The following PRKG1 variants were observed in gnomAD, a reference collection of about 807,000 sequenced individuals.
PRKG1 encodes the protein protein kinase cGMP-dependent 1.
PRKG1 carries 35 observed loss-of-function variants against 88.1 expected under a neutral mutation model. The observed-to-expected ratio is 0.40, with a 90% CI of 0.30 to 0.53. The LOEUF (loss-of-function observed/expected upper bound fraction) is 0.53, where lower values mean the gene tolerates loss of function less well. Ranked by LOEUF, PRKG1 falls within the 20% of genes least tolerant of loss-of-function variation. The pLI is 0.59. For missense variants in PRKG1, 540 were observed against 839.8 expected, an observed-to-expected ratio of 0.64 and a Z score of 4.41; for synonymous variants, 303 against 292.5, an observed-to-expected ratio of 1.04 and a Z score of -0.37.
intron 4 of PRKG1, among the ~76,000 whole-genome samples, chr10:51,877,176 A>G (rs1449573733): frequency 2.0e-5 from 3 of 151,952 alleles, no homozygotes; most frequent in Non-Finnish European, 4.4e-5. Flanking sequence ...AGCTCAAGCA[A>G]TCCTCCTGTG....
chr10:51,223,226 T>G (rs190943593), intron 2 of PRKG1, among the ~76,000 whole-genome samples: 1 of 152,202 alleles, frequency 6.6e-6, no homozygotes, highest in African/African-American at 2.4e-5. Flanking sequence ...TAAATTCTGA[T>G]TGTGGATTGT....
At chr10:51,182,206 G>A (rs1353516231) in intron 2 of PRKG1, among the ~76,000 whole-genome samples, 1 of 152,148 alleles carries the variant, frequency 6.6e-6, no homozygotes, top group African/African-American at 2.4e-5. Flanking sequence ...TTATGTTTTT[G>A]TGTGTGGTGT....
At chr10:52,259,936 T>C (rs1157083039) in intron 10 of PRKG1, among the ~76,000 whole-genome samples, 1 of 152,112 alleles carries the variant, frequency 6.6e-6, no homozygotes, top group Non-Finnish European at 1.5e-5. Context: ...ACAAGATAAA[T>C]GTGAAATACA....
At chr10:51,969,254 C>A (rs1000313984) in intron 5 of PRKG1, among the ~76,000 whole-genome samples, 1 of 152,146 alleles carries the variant, frequency 6.6e-6, no homozygotes, top group African/African-American at 2.4e-5. Flanking sequence ...TTTCTGGCAT[C>A]TCTTGTCAAT....
chr10:52,196,213 T>C (rs1472086902), intron 9 of PRKG1, among the ~76,000 whole-genome samples: 1 of 152,076 alleles, frequency 6.6e-6, no homozygotes, highest in Non-Finnish European at 1.5e-5. Context: ...AGACGGGGTT[T>C]CACCATGTTA....
intron 2 of PRKG1, among the ~76,000 whole-genome samples, chr10:51,355,517 C>T (rs1293221826): frequency 1.3e-5 from 2 of 152,056 alleles, no homozygotes; most frequent in South Asian, 2.1e-4. Context: ...AAACATTAAC[C>T]AGAGAAAAGC....
intron 2 of PRKG1, among the ~76,000 whole-genome samples, chr10:51,155,531 G>T (rs1017104223): frequency 3.3e-5 from 5 of 151,942 alleles, no homozygotes; most frequent in African/African-American, 1.2e-4. Flanking sequence ...TTATACCCAG[G>T]CTATTTGGAT....
intron 1 of PRKG1, among the ~76,000 whole-genome samples, chr10:51,129,029 G>A (rs991344615): frequency 1.3e-5 from 2 of 152,030 alleles, no homozygotes; most frequent in African/African-American, 2.4e-5. Flanking sequence ...TCTGGAATAC[G>A]GTCTCTGTAA....
chr10:52,103,931 A>G (rs1021365822), intron 7 of PRKG1, among the ~76,000 whole-genome samples: 2 of 150,748 alleles, frequency 1.3e-5, no homozygotes, highest in South Asian at 2.1e-4. Context: ...AAACAATGAA[A>G]TTAAAATCAG....
chr10:51,968,704 T>C (rs1208324600), intron 5 of PRKG1, among the ~76,000 whole-genome samples: 14 of 150,958 alleles, frequency 9.3e-5, no homozygotes, highest in Non-Finnish European at 4.4e-5. Flanking sequence ...GTGCTTATAA[T>C]CCCAGCTACT....
chr10:51,493,631 G>C (rs934476279), intron 3 of PRKG1, among the ~76,000 whole-genome samples: 4 of 152,104 alleles, frequency 2.6e-5, no homozygotes, highest in African/African-American at 9.7e-5. Context: ...GCAATTGTAG[G>C]AAATGCAATG....
intron 2 of PRKG1, among the ~76,000 whole-genome samples, chr10:51,186,368 T>C (rs1189049688): frequency 6.6e-6 from 1 of 152,010 alleles, no homozygotes; most frequent in Non-Finnish European, 1.5e-5. Flanking sequence ...CATTCCATTT[T>C]TATTTAACTT....
chr10:51,581,571 G>T (rs1483850482), intron 3 of PRKG1, among the ~76,000 whole-genome samples: 6 of 152,088 alleles, frequency 3.9e-5, no homozygotes. Flanking sequence ...GAATCTTGGT[G>T]ATGTGAAACC....
intron 3 of PRKG1, among the ~76,000 whole-genome samples, chr10:51,604,413 G>T (rs2132232010): frequency 6.6e-6 from 1 of 152,186 alleles, no homozygotes; most frequent in East Asian, 1.9e-4. Flanking sequence ...TTCATCCCAT[G>T]TATTACAATA....
intron 2 of PRKG1, among the ~76,000 whole-genome samples, chr10:51,396,054 A>T (rs1056307494): frequency 3.9e-5 from 6 of 152,196 alleles, no homozygotes; most frequent in African/African-American, 4.8e-5. Context: ...TACACTGTAA[A>T]AATAAAGGTA....
At chr10:52,228,073 A>G (rs1218983662) in intron 9 of PRKG1, among the ~76,000 whole-genome samples, 1 of 152,154 alleles carries the variant, frequency 6.6e-6, no homozygotes, top group Non-Finnish European at 1.5e-5. Context: ...ACGATTTGGA[A>G]TTTTTAAAAG....
At chr10:52,149,502 G>A (rs1837841114) in intron 8 of PRKG1, among the ~76,000 whole-genome samples, 1 of 152,060 alleles carries the variant, frequency 6.6e-6, no homozygotes, top group African/African-American at 2.4e-5. Context: ...GTTAAATGAG[G>A]TCATAAGGGT....
chr10:51,944,403 C>A (rs1254703069), intron 5 of PRKG1, among the ~76,000 whole-genome samples: 1 of 151,980 alleles, frequency 6.6e-6, no homozygotes, highest in Admixed American at 6.5e-5. Context: ...TTCAAAAAAC[C>A]AGCTCCTGGA....
intron 7 of PRKG1, among the ~76,000 whole-genome samples, chr10:52,075,495 AG>A (rs1165017901): frequency 6.6e-6 from 1 of 152,246 alleles, no homozygotes; most frequent in African/African-American, 2.4e-5. Flanking sequence ...CTGACTTCAA[AG>A]CTTACTTTAA....
Sources: allele counts gnomAD v4.1 joint callset (sites outside exome capture counted in the v4.1 genomes callset), GRCh38; gene constraint gnomAD v4.1.1; transcripts MANE v1.5; gene names NCBI Gene and HGNC (gene_info 2026-07-23, HGNC 2026-07-21).